ZNF775: variants seen among roughly 807,000 people sequenced by gnomAD.
The protein encoded by ZNF775 is zinc finger protein 775.
A neutral mutation model predicts 2.4 loss-of-function variants in ZNF775; 1 was observed. That is an observed-to-expected ratio of 0.41 (90% CI 0.15 to 1.94). ZNF775 has a LOEUF of 1.94. Ranked by LOEUF, ZNF775 falls within the 30% of genes most tolerant of loss-of-function variation. ZNF775 has a pLI of 0.30. For synonymous variants in ZNF775, 381 were observed against 373.3 expected (o/e 1.02, Z -0.24); for missense variants, 823 against 826.6 (o/e 1.00, Z 0.05).
At position 150,396,796 on chromosome 7, in the gene ZNF775, T is replaced by C. The variant is rs768030472; in HGVS notation, c.315T>C (p.Gly105=). 2.0e-5 allele frequency: 32 copies of C among 1,598,692 alleles called. No homozygotes were observed. Among genetic ancestry groups the C allele is most frequent in the Admixed American group, 8.6e-5 (5 of 58,288 alleles). The part of the protein sequence containing the change: ...PLSPSLSSGE[G]HFVCLDCGKR... ...GCCCCTCGCTTTCCTCCGGCGAGGGTCACTTTGTATGCCTGGACTGCGGGA... is the reference window on the plus strand; with the variant it reads ...GCCCCTCGCTTTCCTCCGGCGAGGGCCACTTTGTATGCCTGGACTGCGGGA... The change falls in exon 3 of 3, where the codon GGT becomes GGC. Residue 105 remains glycine, a synonymous_variant. Coordinates refer to ENST00000329630, the MANE Select transcript of ZNF775 (RefSeq NM_173680.4).
In ZNF775 at chr7:150,397,829, G is replaced by C. The variant is rs1459580955; in HGVS notation, c.1348G>C (p.Glu450Gln). ...PGEPRQFICN[E>Q]CGKSFSWWSA... ...CGAGCCGCGCCAGTTCATCTGCAAC[G>C]AGTGCGGCAAGAGCTTCTCGTGGTG... Residue 450 changes from glutamate (E) to glutamine (Q), a missense_variant, in exon 3 of 3, where the codon GAG (glutamate) becomes CAG (glutamine). By Grantham distance (29) the Glu-to-Gln change is conservative. Transcript: ENST00000329630. The C allele has an allele frequency of 1.3e-6, 2 of 1,599,316 alleles. No individual in the cohort carries two copies. The highest frequency in any genetic ancestry group is 3.4e-5 in the Admixed American group (2 of 59,270).
At position 150,384,043 on chromosome 7, in the gene ZNF775, C is replaced by T. The variant is rs1454729960; in HGVS notation, c.-49-4379C>T. 1.3e-5 allele frequency among the ~76,000 whole-genome samples: 2 copies of T among 152,258 alleles called. No homozygotes were observed. On this transcript the variant is annotated intron_variant, in intron 1 of 2. Transcript: ENST00000329630. The surrounding 1 kb of genome is among the most constrained non-coding windows in gnomAD (Gnocchi z 4.1). ...CCACCTGCTGCTAGCTCAATCCCCT[C>T]TTTGTGTGGTTGGTCTTCAGTTGTC...
chr7:150,397,749 C>A lies in ZNF775; in HGVS notation c.1268C>A (p.Pro423Gln). ...AARPRSSQRSPGARDTLWGRG... is the reference protein window; with the variant it reads ...AARPRSSQRSQGARDTLWGRG... ...AGGCCGCGGAGCTCCCAACGGTCCC[C>A]GGGGGCCCGGGACACGCTGTGGGGC... The change falls in exon 3 of 3, where the codon CCG becomes CAG. Residue 423 changes from proline (P) to glutamine (Q), a missense_variant. Pro to Gln is a moderately conservative substitution (Grantham distance 76). Coordinates refer to ENST00000329630, the MANE Select transcript of ZNF775 (RefSeq NM_173680.4). 6.7e-7 allele frequency: 1 copy of A among 1,482,138 alleles called. No homozygotes were observed. Among genetic ancestry groups the A allele is most frequent in the Non-Finnish European group, 8.9e-7 (1 of 1,122,300 alleles). The allele number at this position is 1,482,138 out of a possible 1,614,324, so 91.8% of individuals were successfully genotyped here.
intron 1 of ZNF775, among the ~76,000 whole-genome samples, chr7:150,386,630 G>T (rs1266981834): frequency 6.6e-6 from 1 of 152,088 alleles, no homozygotes; most frequent in Non-Finnish European, 1.5e-5. Context: ...ACTGAAATCT[G>T]GAAGAGCCCC....
rs566013751 is a variant in ZNF775, at chr7:150,398,327, G to A, written c.*232G>A. The A allele has an allele frequency of 2.1e-5, 14 of 664,980 alleles. No homozygotes were observed. The highest frequency in any genetic ancestry group is 1.5e-4 in the African/African-American group (8 of 53,966). 41.2% of individuals were successfully genotyped at this position (664,980 alleles called of 1,614,324 possible). ...AGATCCGAGTTCCTCACCGCGGGCC[G>A]GGATGTGACCACCCTCTTCAGAGGT... On this transcript the variant is annotated 3_prime_UTR_variant, in exon 3 of 3. Transcript: ENST00000329630.
chr7:150,383,166 A>G (rs970059502), intron 1 of ZNF775, among the ~76,000 whole-genome samples: 1 of 152,194 alleles, frequency 6.6e-6, no homozygotes, highest in African/African-American at 2.4e-5. Flanking sequence ...TGTGTGGTTT[A>G]GCATTTACAT....
Position 150,396,655 on chromosome 7 carries a change from G to A in ZNF775, c.174G>A (p.Gly58=). Reference sequence around the variant, plus strand: ...GCCTCCCGCCACGCCAGACCATGGGGCGGCCTCGAGCCCTGGGGGGACAGG... The same window carrying A: ...GCCTCCCGCCACGCCAGACCATGGGACGGCCTCGAGCCCTGGGGGGACAGG... ...HRGLPPRQTM[G]RPRALGGQEE... The change falls in exon 3 of 3, where the codon GGG becomes GGA. Residue 58 remains glycine (G), a synonymous_variant. Transcript: ENST00000329630. The A allele has an allele frequency of 1.2e-6, 2 of 1,611,240 alleles. No homozygotes were observed. Among genetic ancestry groups the A allele is most frequent in the Non-Finnish European group, 1.7e-6 (2 of 1,179,498 alleles).
chr7:150,391,226 G>T (rs1335372154), intron 2 of ZNF775, among the ~76,000 whole-genome samples: 1 of 152,180 alleles, frequency 6.6e-6, no homozygotes, highest in Non-Finnish European at 1.5e-5. Context: ...ACTTAAGTAC[G>T]GCCAGGCGCG....
chr7:150,386,100 T>A (rs1800447855), intron 1 of ZNF775, among the ~76,000 whole-genome samples: 1 of 152,166 alleles, frequency 6.6e-6, no homozygotes, highest in Admixed American at 6.5e-5. Flanking sequence ...TACACCCAGC[T>A]AAGTTTTGTA....
Position 150,396,613 on chromosome 7 carries a change from A to C in ZNF775, c.132A>C (p.Ile44=), listed in dbSNP as rs940453. 1,457,530 of 1,610,364 alleles carry C rather than the reference A, an allele frequency of 0.91. 661,444 individuals are homozygous for C. The highest frequency in any genetic ancestry group is 0.93 in the Non-Finnish European group (1,093,594 of 1,179,258). The change falls in exon 3 of 3, where the codon ATA becomes ATC. Residue 44 remains isoleucine, a synonymous_variant. Transcript: ENST00000329630. ...TTGTGGAGAAGGACAAGGAGAACAT[A>C]TTTCAGCAGCACCGGGGCCTCCCGC... is the stretch of plus-strand genomic sequence containing the variant. The part of the protein sequence containing the change: ...AMLVEKDKEN[I]FQQHRGLPPR...
Position 150,397,378 on chromosome 7 carries a change from C to T in ZNF775, c.897C>T (p.His299=), listed in dbSNP as rs1800686238. 4 of 1,598,306 alleles carry T rather than the reference C, an allele frequency of 2.5e-6. No individual in the cohort carries two copies. Among genetic ancestry groups the T allele is most frequent in the Admixed American group, 1.7e-5 (1 of 59,574 alleles). Residue 299 remains histidine (H), a synonymous_variant, in exon 3 of 3, where the codon CAC becomes CAT. Transcript: ENST00000329630. ...SFTWWSSLNI[H]QRIHTGERPY... is the part of the protein sequence containing the mutation. ...CCTGGTGGTCGTCGCTGAACATCCA[C>T]CAGCGCATCCACACTGGCGAGCGCC...
intron 2 of ZNF775, among the ~76,000 whole-genome samples, chr7:150,389,144 C>T (rs573789244): frequency 5.9e-5 from 9 of 152,252 alleles, no homozygotes; most frequent in African/African-American, 2.2e-4. Context: ...TGTGGCCCAG[C>T]TGCCAGAAGG....
At position 150,397,793 on chromosome 7, in the gene ZNF775, G is replaced by A. The variant is rs1350420975; in HGVS notation, c.1312G>A (p.Ala438Thr). 2 of 1,557,980 alleles carry A rather than the reference G, an allele frequency of 1.3e-6. No individual in the cohort carries two copies. The highest frequency in any genetic ancestry group is 2.4e-5 in the East Asian group (1 of 41,998). The change falls in exon 3 of 3, where the codon GCT becomes ACT. Residue 438 changes from alanine (A) to threonine (T), a missense_variant. By Grantham distance (58) the Ala-to-Thr change is moderately conservative (BLOSUM62 0). Coordinates refer to ENST00000329630, the MANE Select transcript of ZNF775 (RefSeq NM_173680.4). Reference sequence around the variant, plus strand: ...GTGGGGCCGGGGACAAGCGGGCCTCGCTGGGCCTGGCGAGCCGCGCCAGTT... The same window carrying A: ...GTGGGGCCGGGGACAAGCGGGCCTCACTGGGCCTGGCGAGCCGCGCCAGTT... ...TLWGRGQAGLAGPGEPRQFIC... is the reference protein window; with the variant it reads ...TLWGRGQAGLTGPGEPRQFIC...
At position 150,396,705 on chromosome 7, in the gene ZNF775, C is replaced by T. The variant is rs1800662457; in HGVS notation, c.224C>T (p.Ala75Val). 1.2e-6 allele frequency: 2 copies of T among 1,602,810 alleles called. No homozygotes were observed. The highest frequency in any genetic ancestry group is 2.2e-5 in the East Asian group (1 of 44,522). Residue 75 changes from alanine to valine, a missense_variant, in exon 3 of 3, where the codon GCC becomes GTC. Physicochemically the swap from Ala to Val is moderately conservative, Grantham distance 64. Transcript: ENST00000329630. ...GAGGAGTCTGGGAGTCCAAGGTGGGCCCCTCCCACTGAGCAGGATGCGGGG... is the reference window on the plus strand; with the variant it reads ...GAGGAGTCTGGGAGTCCAAGGTGGGTCCCTCCCACTGAGCAGGATGCGGGG... ...GQEESGSPRW[A>V]PPTEQDAGLA...
In ZNF775 at chr7:150,397,628, G is replaced by T. The variant is rs1256063033; in HGVS notation, c.1147G>T (p.Ala383Ser). ...CTGCCGCAGCCGCGCCGCGCTGCGC[G>T]CCCACCAGCGCGCCCACGCTGTCGC... ...KSCRSRAALR[A>S]HQRAHAVAEP... Residue 383 changes from alanine (A) to serine (S), a missense_variant, in exon 3 of 3, where the codon GCC becomes TCC. Coordinates refer to ENST00000329630, the MANE Select transcript of ZNF775 (RefSeq NM_173680.4). 5 of 1,341,860 alleles carry T rather than the reference G, an allele frequency of 3.7e-6. No homozygotes were observed. In the Admixed American group the frequency reaches 1.7e-4, roughly 45 times the overall value. 83.1% of individuals were successfully genotyped at this position (1,341,860 alleles called of 1,614,324 possible). A position where few individuals can be genotyped will look rare whatever the true frequency, so the allele number is the denominator to read the frequency against.
chr7:150,397,131 G>T lies in ZNF775; in HGVS notation c.650G>T (p.Arg217Leu), dbSNP rs747202943. ...RIHQRAHARD[R>L]QGSRAGLHEL... ...CACCAGCGCGCGCACGCCCGGGACC[G>T]CCAGGGCTCCCGCGCCGGCCTGCAC... The change falls in exon 3 of 3, where the codon CGC becomes CTC. Residue 217 changes from arginine to leucine, a missense_variant. By Grantham distance (102) the Arg-to-Leu change is moderately radical (BLOSUM62 -2). Coordinates refer to ENST00000329630, the MANE Select transcript of ZNF775 (RefSeq NM_173680.4). The T allele has an allele frequency of 6.6e-7, 1 of 1,508,434 alleles. No homozygotes were observed. Among genetic ancestry groups the T allele is most frequent in the South Asian group, 1.2e-5 (1 of 81,354 alleles). The allele number at this position is 1,508,434 out of a possible 1,614,324, so 93.4% of individuals were successfully genotyped here. A position where few individuals can be genotyped will look rare whatever the true frequency, so the allele number is the denominator to read the frequency against.
intron 1 of ZNF775, among the ~76,000 whole-genome samples, chr7:150,383,340 A>G (rs1800395638): frequency 6.6e-6 from 1 of 152,068 alleles, no homozygotes; most frequent in South Asian, 2.1e-4. Flanking sequence ...TGTTTCATTC[A>G]CTCATCCGTT....
At position 150,397,157 on chromosome 7, in the gene ZNF775, G is replaced by C; in HGVS notation, c.676G>C (p.Glu226Gln). 1 of 1,445,014 alleles carries C rather than the reference G, an allele frequency of 6.9e-7. No homozygotes were observed. Among genetic ancestry groups the C allele is most frequent in the South Asian group, 1.4e-5 (1 of 72,758 alleles). The allele number at this position is 1,445,014 out of a possible 1,614,324, so 89.5% of individuals were successfully genotyped here. A position where few individuals can be genotyped will look rare whatever the true frequency, so the allele number is the denominator to read the frequency against. The stretch of plus-strand genomic sequence containing the variant: ...CCAGGGCTCCCGCGCCGGCCTGCAC[G>C]AGCTGATTCAGGACGCGGCGGCGCG... ...DRQGSRAGLH[E>Q]LIQDAAARRA... Residue 226 changes from glutamate to glutamine, a missense_variant, in exon 3 of 3, where the codon GAG becomes CAG. By Grantham distance (29) the Glu-to-Gln change is conservative (BLOSUM62 2). Coordinates refer to ENST00000329630, the MANE Select transcript of ZNF775 (RefSeq NM_173680.4).
chr7:150,397,860 C>G lies in ZNF775; in HGVS notation c.1379C>G (p.Ala460Gly). Reference sequence around the variant, plus strand: ...GGCAAGAGCTTCTCGTGGTGGTCGGCGCTCACCATCCACCAGCGCATCCAC... The same window carrying G: ...GGCAAGAGCTTCTCGTGGTGGTCGGGGCTCACCATCCACCAGCGCATCCAC... ...ECGKSFSWWS[A>G]LTIHQRIHTG... The change falls in exon 3 of 3, where the codon GCG becomes GGG. Residue 460 changes from alanine to glycine, a missense_variant. Physicochemically the swap from Ala to Gly is moderately conservative, Grantham distance 60 (BLOSUM62 0). Coordinates refer to ENST00000329630, the MANE Select transcript of ZNF775 (RefSeq NM_173680.4). 1.2e-6 allele frequency: 2 copies of G among 1,602,378 alleles called. No individual in the cohort carries two copies. The highest frequency in any genetic ancestry group is 2.2e-5 in the South Asian group (2 of 90,744).
Sources: gnomAD v4.1 joint callset for allele counts (sites outside exome capture counted in the v4.1 genomes callset) on GRCh38, gnomAD v4.1.1 for gene constraint, Gnocchi (gnomAD v3.1) non-coding constraint, MANE v1.5 for transcripts, NCBI Gene and HGNC (gene_info 2026-07-23, HGNC 2026-07-21) for gene names.